The following MAG variants were observed in gnomAD, a reference collection of about 807,000 sequenced individuals.
MAG encodes the protein myelin-associated glycoprotein.
In MAG, 30 loss-of-function variants were observed where a neutral mutation model predicts 60.7. That is an observed-to-expected ratio of 0.49 (90% confidence interval 0.37 to 0.67). The LOEUF (loss-of-function observed/expected upper bound fraction) is 0.67. Ranked by LOEUF, MAG falls within the 30% of genes least tolerant of loss-of-function variation. The probability of loss-of-function intolerance (pLI) is 0.00; values close to 1 mark genes in which losing one functional copy is unlikely to be tolerated. For missense variants in MAG, 795 were observed against 851.7 expected, an observed-to-expected ratio of 0.93 and a Z score of 0.83; for synonymous variants, 384 against 376.8, an observed-to-expected ratio of 1.02 and a Z score of -0.22.
intron 4 of MAG, among the ~76,000 whole-genome samples, chr19:35,298,758 A>C (rs968040410): frequency 2.0e-5 from 3 of 147,056 alleles, no homozygotes; most frequent in Admixed American, 2.0e-4. Flanking sequence ...ACCACGTACT[A>C]CGCAAACCAC....
In MAG at chr19:35,293,548, G is replaced by A. The variant is rs950691014; in HGVS notation, c.-79-687G>A. 6.6e-6 allele frequency among the ~76,000 whole-genome samples: 1 copy of A among 152,120 alleles called. No individual in the cohort carries two copies. The highest frequency in any genetic ancestry group is 2.4e-5 in the African/African-American group (1 of 41,392). ...TGGATGTGTCTGTGCATGTGTCTCT[G>A]TCCGTGGGAAGAGGGCGGTGAAGGC... On this transcript the variant is annotated intron_variant, in intron 1 of 10. Transcript: ENST00000392213. The surrounding 1 kb of genome is among the most constrained non-coding windows in gnomAD (Gnocchi z 4.0).
In MAG at chr19:35,293,945, C is replaced by T. The variant is rs1188559475; in HGVS notation, c.-79-290C>T. Reference sequence around the variant, plus strand: ...CTGCCCGCCACCCCCAGGCCCCGGCCGTGGGACATCTGCTCCCTCACTCCA... The same window carrying T: ...CTGCCCGCCACCCCCAGGCCCCGGCTGTGGGACATCTGCTCCCTCACTCCA... On this transcript the variant is annotated intron_variant, in intron 1 of 10. Transcript: ENST00000392213. This position sits in a 1 kb window ranked among gnomAD's most constrained non-coding sequence, Gnocchi z 4.0. Among the ~76,000 whole-genome samples, 1 of 152,036 alleles carries T rather than the reference C, an allele frequency of 6.6e-6. No individual in the cohort carries two copies. The highest frequency in any genetic ancestry group is 1.9e-4 in the East Asian group (1 of 5,182).
At position 35,295,736 on chromosome 19, in the gene MAG, G is replaced by C; in HGVS notation, c.170G>C (p.Gly57Ala). Residue 57 changes from glycine to alanine, a missense_variant, in exon 4 of 11, where the codon GGT (glycine) becomes GCT (alanine). By Grantham distance (60) the Gly-to-Ala change is moderately conservative. Coordinates refer to ENST00000392213, the MANE Select transcript of MAG (RefSeq NM_002361.4). The surrounding 1 kb of genome is among the most constrained non-coding windows in gnomAD (Gnocchi z 5.8). Reference protein sequence around the residue: ...PDELRPAVVHGVWYFNSPYPK... With the variant: ...PDELRPAVVHAVWYFNSPYPK... ...GAGCTGCGGCCCGCTGTGGTGCATG[G>C]TGTCTGGTACTTCAATAGCCCCTAC... 3 of 1,613,950 alleles carry C rather than the reference G, an allele frequency of 1.9e-6. No individual in the cohort carries two copies. Among genetic ancestry groups the C allele is most frequent in the Non-Finnish European group, 2.5e-6 (3 of 1,180,014 alleles).
chr19:35,302,296 A>G, intron 6 of MAG, 152 bp from the exon 7 acceptor site: 1 of 815,378 alleles, frequency 1.2e-6, no homozygotes, highest in South Asian at 1.8e-5. Context: ...CTGTTCTTGG[A>G]AATGAGATAG....
chr19:35,300,430 C>T (rs77800808), intron 6 of MAG, 26 bp downstream of exon 6: 52,021 of 1,534,188 alleles, frequency 0.034, 1,092 homozygotes, highest in Non-Finnish European at 0.04. Context: ...TGTGCGTCCA[C>T]ACGCCCACCT....
At chr19:35,292,291 G>C (rs548109291) in intron 1 of MAG, 87 bp downstream of exon 1, 6 of 455,740 alleles carry the variant, frequency 1.3e-5, no homozygotes, top group South Asian at 4.6e-5. Flanking sequence ...AGGTGCTCTG[G>C]GTGAGGGAGC....
chr19:35,298,728 ACACAC>A (rs2066422484), intron 4 of MAG, among the ~76,000 whole-genome samples: 1 of 150,450 alleles, frequency 6.6e-6, no homozygotes. Context: ...CACACCACAC[ACACAC>A]CACACACCAC....
At chr19:35,301,742 T>A (rs1054810155) in intron 6 of MAG, among the ~76,000 whole-genome samples, 1 of 152,076 alleles carries the variant, frequency 6.6e-6, no homozygotes, top group Non-Finnish European at 1.5e-5. Context: ...ATTTTTGTAT[T>A]TTTAGTAGAG....
At chr19:35,303,132 C>G (rs924533568) in intron 7 of MAG, among the ~76,000 whole-genome samples, 3 of 152,188 alleles carry the variant, frequency 2.0e-5, no homozygotes, top group Admixed American at 6.5e-5. Flanking sequence ...CCATGTTGGC[C>G]TGGCTTGTCT....
At chr19:35,308,002 G>T (rs977770560) in intron 7 of MAG, among the ~76,000 whole-genome samples, 4 of 152,164 alleles carry the variant, frequency 2.6e-5, no homozygotes, top group African/African-American at 9.7e-5. Context: ...TGGGGAGGCC[G>T]GGGGCTGGGA....
At chr19:35,301,029 C>G (rs2066444963) in intron 6 of MAG, among the ~76,000 whole-genome samples, 2 of 152,218 alleles carry the variant, frequency 1.3e-5, no homozygotes, top group Admixed American at 1.3e-4. Flanking sequence ...CCACCACACC[C>G]AGCCAATTTT....
At chr19:35,312,375 C>G (rs2066534964) in intron 10 of MAG, 1 of 1,548,346 alleles carries the variant, frequency 6.5e-7, no homozygotes, top group East Asian at 2.2e-5. Flanking sequence ...TCCTTGGGCC[C>G]TGGGGTTGGC....
At chr19:35,298,765 C>T (rs886159994) in intron 4 of MAG, among the ~76,000 whole-genome samples, 2 of 148,166 alleles carry the variant, frequency 1.3e-5, no homozygotes. Flanking sequence ...ACTACGCAAA[C>T]CACATACCAC....
Position 35,302,642 on chromosome 19 carries a change from G to C in MAG, c.1165G>C (p.Glu389Gln). ...GGCCGTGTCACCCGAGGATGATGGA[G>C]AGTACTGGTGTGTGGCTGAGAACCA... The part of the protein sequence containing the change: ...LPAVSPEDDG[E>Q]YWCVAENQYG... The change falls in exon 7 of 11, where the codon GAG becomes CAG. Residue 389 changes from glutamate (E) to glutamine (Q), a missense_variant. By Grantham distance (29) the Glu-to-Gln change is conservative (BLOSUM62 2). Transcript: ENST00000392213. 2 of 1,614,194 alleles carry C rather than the reference G, an allele frequency of 1.2e-6. No homozygotes were observed. Among genetic ancestry groups the C allele is most frequent in the Non-Finnish European group, 1.7e-6 (2 of 1,180,042 alleles).
chr19:35,300,069 G>GCGGGGCCGGGCTGGGAGAGGGCA, intron 5 of MAG, 78 bp from the exon 6 acceptor site: 1 of 1,442,416 alleles, frequency 6.9e-7, no homozygotes, highest in Non-Finnish European at 9.1e-7. Flanking sequence ...AGTGTTGGGG[G>GCGGGGCCGGGCTGGGAGAGGGCA]CGGGGCCGGG....
At chr19:35,312,489 T>A in intron 10 of MAG, 1 of 630,758 alleles carries the variant, frequency 1.6e-6, no homozygotes, top group East Asian at 2.8e-5. Context: ...TGCAGCTCCC[T>A]TCTGTCTGTG....
intron 7 of MAG, among the ~76,000 whole-genome samples, chr19:35,303,600 T>C (rs939506168): frequency 3.9e-5 from 6 of 152,294 alleles, no homozygotes; most frequent in Admixed American, 2.0e-4. Context: ...GTAATTGCTA[T>C]ACACAAAAGG....
At position 35,310,140 on chromosome 19, in the gene MAG, G is replaced by C. The variant is rs1443796780; in HGVS notation, c.1498G>C (p.Glu500Gln). Reference sequence around the variant, plus strand: ...GAACCTCTATGGCGCCAAGAGCCTGGAGCTGCCCTTCCAGGGAGCCCGTGA... The same window carrying C: ...GAACCTCTATGGCGCCAAGAGCCTGCAGCTGCCCTTCCAGGGAGCCCGTGA... ...ARNLYGAKSL[E>Q]LPFQGAHRLM... is the part of the protein sequence containing the mutation. The change falls in exon 8 of 11, where the codon GAG (glutamate) becomes CAG (glutamine). Residue 500 changes from glutamate to glutamine, a missense_variant. Transcript: ENST00000392213. The C allele has an allele frequency of 4.4e-6, 7 of 1,607,616 alleles. No homozygotes were observed. The highest frequency in any genetic ancestry group is 6.0e-6 in the Non-Finnish European group (7 of 1,175,476).
chr19:35,297,435 C>G (rs889060455), intron 4 of MAG, among the ~76,000 whole-genome samples: 2 of 139,054 alleles, frequency 1.4e-5, no homozygotes, highest in African/African-American at 5.4e-5. Flanking sequence ...CACACATCCA[C>G]CACGCTACAA....
Sources: allele counts gnomAD v4.1 joint callset (sites outside exome capture counted in the v4.1 genomes callset), GRCh38; gene constraint gnomAD v4.1.1; non-coding constraint Gnocchi (gnomAD v3.1); transcripts MANE v1.5; gene names NCBI Gene and HGNC (gene_info 2026-07-23, HGNC 2026-07-21).